PACRG: variants seen among roughly 807,000 people sequenced by gnomAD.
PACRG encodes parkin coregulated gene protein.
PACRG carries 29 observed loss-of-function variants against 29.7 expected under a neutral mutation model. The observed-to-expected ratio is 0.98, with a 90% CI of 0.73 to 1.33. PACRG has a LOEUF of 1.33. Among genes scored for constraint, PACRG ranks in the 40% most tolerant of loss-of-function variants. The pLI, the probability that PACRG is intolerant of heterozygous loss-of-function variation, is 0.00. For missense variants in PACRG, 279 were observed against 316.2 expected (o/e 0.88, Z 0.89); for synonymous variants, 116 against 118.7 (o/e 0.98, Z 0.15).
chr6:163,009,531 T>C lies in PACRG; in HGVS notation c.292-52619T>C, dbSNP rs113358724. On this transcript the variant is annotated intron_variant, in intron 2 of 4. Coordinates refer to ENST00000366888, the MANE Select transcript of PACRG (RefSeq NM_001080379.2). ...ATAGTTTTCAGAAATCACTTAGATC[T>C]TCCCATGGTCTTTAGAAAAAGATTT... Among the ~76,000 whole-genome samples the C allele has an allele frequency of 6.8e-3, 1,038 of 152,334 alleles. 14 individuals carry two copies. The highest frequency in any genetic ancestry group is 0.024 in the African/African-American group (978 of 41,572).
rs542623055 is a variant in PACRG at position 162,885,076 on chromosome 6, C to T, written c.291+70795C>T. Among the ~76,000 whole-genome samples, 8 of 152,148 alleles carry T rather than the reference C, an allele frequency of 5.3e-5. No homozygotes were observed. In the East Asian group the frequency reaches 1.4e-3, roughly 26 times the overall value. ...ACTTGCCCATTAAAAAAGCCACCATCGTCATAATACCATAATTTTCTGCAT... is the reference window on the plus strand; with the variant it reads ...ACTTGCCCATTAAAAAAGCCACCATTGTCATAATACCATAATTTTCTGCAT... On this transcript the variant is annotated intron_variant, in intron 2 of 4. Coordinates refer to ENST00000366888, the MANE Select transcript of PACRG (RefSeq NM_001080379.2).
At chr6:163,189,064 T>C (rs1008295) in intron 4 of PACRG, among the ~76,000 whole-genome samples, 48,818 of 152,132 alleles carry the variant, frequency 0.32, 7,999 homozygotes, top group East Asian at 0.37. Flanking sequence ...CAAAGGTGGT[T>C]GGGGAATGCT....
At chr6:163,167,355 A>G (rs915485989) in intron 4 of PACRG, among the ~76,000 whole-genome samples, 1 of 152,214 alleles carries the variant, frequency 6.6e-6, no homozygotes, top group African/African-American at 2.4e-5. Flanking sequence ...TCGCCTCCAG[A>G]AAGCATCAGA....
chr6:162,749,302 C>T (rs1781334635), intron 1 of PACRG, among the ~76,000 whole-genome samples: 1 of 152,074 alleles, frequency 6.6e-6, no homozygotes, highest in Admixed American at 6.6e-5. Flanking sequence ...CTAGCTGCAC[C>T]GACTGTCAAG....
intron 4 of PACRG, among the ~76,000 whole-genome samples, chr6:163,194,979 G>A (rs910045240): frequency 5.3e-5 from 8 of 151,984 alleles, no homozygotes; most frequent in Non-Finnish European, 1.0e-4. Flanking sequence ...CCTCTACATC[G>A]GTGTCCACGG....
intron 1 of PACRG, among the ~76,000 whole-genome samples, chr6:162,774,829 C>T (rs1389566759): frequency 6.6e-6 from 1 of 152,120 alleles, no homozygotes; most frequent in Non-Finnish European, 1.5e-5. Context: ...TTCCAGACAT[C>T]AGAATGTAAT....
Position 162,728,116 on chromosome 6 carries a change from G to T in PACRG, c.-120G>T. ...TGGATCAACCTGGGCACTACGAGGG[G>T]TTGAATTTCTACCATTATCGCGCCT... On this transcript the variant is annotated 5_prime_UTR_variant, in exon 1 of 5. Transcript: ENST00000366888. The T allele has an allele frequency of 8.0e-7, 1 of 1,246,106 alleles. No homozygotes were observed. The highest frequency in any genetic ancestry group is 1.1e-6 in the Non-Finnish European group (1 of 890,902). The allele number at this position is 1,246,106 out of a possible 1,614,324, so 77.2% of individuals were successfully genotyped here.
At chr6:162,967,748 C>T (rs1422114711) in intron 2 of PACRG, among the ~76,000 whole-genome samples, 1 of 152,006 alleles carries the variant, frequency 6.6e-6, no homozygotes, top group Non-Finnish European at 1.5e-5. Context: ...ACCTCATGAT[C>T]CGCCCATCTT....
intron 2 of PACRG, among the ~76,000 whole-genome samples, chr6:163,039,944 T>G (rs1231810688): frequency 6.6e-6 from 1 of 152,218 alleles, no homozygotes; most frequent in Non-Finnish European, 1.5e-5. Context: ...TGCAGAAATG[T>G]GCATAAGTAA....
chr6:162,769,949 C>T (rs7772787), intron 1 of PACRG, among the ~76,000 whole-genome samples: 35,603 of 151,722 alleles, frequency 0.23, 4,543 homozygotes, highest in South Asian at 0.32. Flanking sequence ...TTTCTTGAGG[C>T]CTCCTAGATT....
chr6:162,995,159 A>T (rs954176566), intron 2 of PACRG, among the ~76,000 whole-genome samples: 9 of 149,928 alleles, frequency 6.0e-5, no homozygotes, highest in Non-Finnish European at 8.9e-5. Flanking sequence ...TCAGACAGGG[A>T]CATTTAAGTC....
chr6:162,974,722 C>G (rs1584914859), intron 2 of PACRG, among the ~76,000 whole-genome samples: 1 of 152,214 alleles, frequency 6.6e-6, no homozygotes, highest in Non-Finnish European at 1.5e-5. Flanking sequence ...TTGTTAAGAG[C>G]TTTATATTTA....
chr6:163,023,170 C>T (rs1806798139), intron 2 of PACRG, among the ~76,000 whole-genome samples: 1 of 152,100 alleles, frequency 6.6e-6, no homozygotes, highest in African/African-American at 2.4e-5. Context: ...AGTAGGAATC[C>T]CGTCACCCTG....
chr6:162,893,602 A>G (rs893501430), intron 2 of PACRG, among the ~76,000 whole-genome samples: 1 of 152,170 alleles, frequency 6.6e-6, no homozygotes, highest in African/African-American at 2.4e-5. Flanking sequence ...GGAGGGAGTC[A>G]GGTACTAAGT....
intron 4 of PACRG, among the ~76,000 whole-genome samples, chr6:163,139,226 G>A (rs751742949): frequency 4.6e-5 from 7 of 152,188 alleles, no homozygotes; most frequent in African/African-American, 1.2e-4. Flanking sequence ...TCCCTGCCTC[G>A]TCTTCACATT....
At chr6:163,007,240 C>T (rs1222045962) in intron 2 of PACRG, among the ~76,000 whole-genome samples, 1 of 152,028 alleles carries the variant, frequency 6.6e-6, no homozygotes, top group Non-Finnish European at 1.5e-5. Context: ...ATAGCTTTTA[C>T]TTCTATATAT....
At chr6:162,783,104 T>C (rs1338960045) in intron 1 of PACRG, among the ~76,000 whole-genome samples, 1 of 151,910 alleles carries the variant, frequency 6.6e-6, no homozygotes, top group Non-Finnish European at 1.5e-5. Flanking sequence ...CATCCTTTTT[T>C]TGTGATTGAT....
At chr6:162,727,338 A>T, upstream of PACRG, 1 of 378,498 alleles carries the variant, frequency 2.6e-6, no homozygotes, top group East Asian at 4.8e-5. Flanking sequence ...CGGCGGGGAG[A>T]AGGCTTCGGG....
intron 4 of PACRG, chr6:163,090,434 A>G (rs1390246681): frequency 6.6e-6 from 1 of 152,182 alleles, no homozygotes; most frequent in Non-Finnish European, 1.5e-5. Context: ...AAATGCCTGT[A>G]ATGGAGTGCT....
Sources: gnomAD v4.1 joint callset for allele counts (sites outside exome capture counted in the v4.1 genomes callset) on GRCh38, gnomAD v4.1.1 for gene constraint, MANE v1.5 for transcripts, NCBI Gene and HGNC (gene_info 2026-07-23, HGNC 2026-07-21) for gene names.